The following SLIT3 variants were observed in gnomAD, a reference collection of about 807,000 sequenced individuals.
The protein encoded by SLIT3 is slit homolog 3 protein.
In SLIT3, 68 loss-of-function variants were observed where a neutral mutation model predicts 184.0. The ratio of observed to expected loss-of-function variants is 0.37; its 90% CI spans 0.30 to 0.45. SLIT3 has a LOEUF of 0.45. Ranked by LOEUF, SLIT3 falls within the 20% of genes least tolerant of loss-of-function variation. SLIT3 has a pLI of 1.00. For synonymous variants in SLIT3, 831 were observed against 828.6 expected (o/e 1.00, Z -0.05); for missense variants, 1,707 against 2,026.0 (o/e 0.84, Z 3.02).
At chr5:169,111,624 C>T (rs761934104) in intron 4 of SLIT3, among the ~76,000 whole-genome samples, 7 of 152,180 alleles carry the variant, frequency 4.6e-5, no homozygotes, top group Middle Eastern at 3.4e-3. Context: ...TGGTGGCAAA[C>T]GCCTGTAATC....
At chr5:168,773,005 C>T in intron 13 of SLIT3, 61 bp from the exon 14 acceptor site, 4 of 1,500,724 alleles carry the variant, frequency 2.7e-6, no homozygotes, top group Non-Finnish European at 3.6e-6. Flanking sequence ...CCACCACCAC[C>T]ACCCTGCCTC....
chr5:169,259,673 G>C (rs1766098438), intron 1 of SLIT3, among the ~76,000 whole-genome samples: 1 of 152,196 alleles, frequency 6.6e-6, no homozygotes, highest in African/African-American at 2.4e-5. Flanking sequence ...AGGCTATGCA[G>C]GCAAAATTAA....
intron 4 of SLIT3, among the ~76,000 whole-genome samples, chr5:169,132,034 C>T (rs113652920): frequency 2.1e-4 from 32 of 152,220 alleles, no homozygotes; most frequent in African/African-American, 7.5e-4. Flanking sequence ...AGAAGAGCCA[C>T]ATCAGCTCTA....
Position 168,817,315 on chromosome 5 carries a change from CCTT to C in SLIT3, c.775_777del (p.Lys259del), listed in dbSNP as rs2113656398. 1.9e-6 allele frequency: 3 copies of C among 1,614,188 alleles called. No homozygotes were observed. The highest frequency in any genetic ancestry group is 1.7e-6 in the Non-Finnish European group (2 of 1,180,030). ...GCATCCTCACCTGGGCACACGTACTCCTTCTTCTGCACATCCGCCACGTTGAAG... is the reference window on the plus strand; with the variant it reads ...GCATCCTCACCTGGGCACACGTACTCCTTCTGCACATCCGCCACGTTGAAG... On this transcript the variant is annotated inframe_deletion, in exon 8 of 36. Transcript: ENST00000519560.
chr5:169,207,646 T>C (rs1186568245), intron 3 of SLIT3, among the ~76,000 whole-genome samples: 1 of 152,200 alleles, frequency 6.6e-6, no homozygotes, highest in Non-Finnish European at 1.5e-5. Flanking sequence ...ACCTGAATTA[T>C]CATCACTGTT....
intron 5 of SLIT3, among the ~76,000 whole-genome samples, chr5:168,862,650 C>T (rs1161425411): frequency 6.8e-6 from 1 of 147,656 alleles, no homozygotes; most frequent in Non-Finnish European, 1.5e-5. Flanking sequence ...CTCAATAGAA[C>T]ATTGGTTTTT....
chr5:169,068,766 G>A (rs755483837), intron 4 of SLIT3, among the ~76,000 whole-genome samples: 1 of 151,808 alleles, frequency 6.6e-6, no homozygotes, highest in Non-Finnish European at 1.5e-5. Flanking sequence ...CACCCAGCTG[G>A]AGAAGCTCTG....
At chr5:168,928,845 A>T (rs949141801) in intron 4 of SLIT3, among the ~76,000 whole-genome samples, 2 of 152,188 alleles carry the variant, frequency 1.3e-5, no homozygotes, top group Non-Finnish European at 2.9e-5. Flanking sequence ...GCAGAATTTT[A>T]TGGATAGAGA....
chr5:169,079,921 G>A (rs1448618367), intron 4 of SLIT3, among the ~76,000 whole-genome samples: 2 of 149,086 alleles, frequency 1.3e-5, no homozygotes, highest in East Asian at 2.1e-4. Context: ...AGGAGGAAGA[G>A]GAATGGCAAA....
chr5:169,065,338 A>G (rs1363986321), intron 4 of SLIT3, among the ~76,000 whole-genome samples: 2 of 152,244 alleles, frequency 1.3e-5, no homozygotes, highest in Admixed American at 6.5e-5. Flanking sequence ...GAATGATAGA[A>G]GAAATATTCC....
At chr5:169,292,416 G>A (rs893800930) in intron 1 of SLIT3, among the ~76,000 whole-genome samples, 8 of 152,208 alleles carry the variant, frequency 5.3e-5, no homozygotes, top group African/African-American at 1.2e-4. Flanking sequence ...TTAGCAAGCT[G>A]AAGAATTAAG....
chr5:169,064,608 A>C (rs1758285177), intron 4 of SLIT3, among the ~76,000 whole-genome samples: 2 of 152,174 alleles, frequency 1.3e-5, no homozygotes, highest in Non-Finnish European at 1.5e-5. Context: ...CACACACTTC[A>C]CATGCAATAA....
At chr5:169,054,241 G>A (rs1026517660) in intron 4 of SLIT3, among the ~76,000 whole-genome samples, 4 of 148,774 alleles carry the variant, frequency 2.7e-5, no homozygotes, top group South Asian at 2.1e-4. Context: ...AAAAAAGGTG[G>A]CAATGTGAAG....
At chr5:168,849,939 A>G (rs1023224939) in intron 5 of SLIT3, among the ~76,000 whole-genome samples, 6 of 152,166 alleles carry the variant, frequency 3.9e-5, no homozygotes, top group Admixed American at 1.3e-4. Flanking sequence ...TTGTCCTTTA[A>G]GCAGAGAATA....
At chr5:169,045,428 GAA>G (rs5873145) in intron 4 of SLIT3, among the ~76,000 whole-genome samples, 54 of 123,672 alleles carry the variant, frequency 4.4e-4, no homozygotes, top group Admixed American at 5.9e-4. Context: ...GTCCATGCAG[GAA>G]AAAAAAAAAA....
At chr5:169,262,789 T>A (rs186777429) in intron 1 of SLIT3, among the ~76,000 whole-genome samples, 3 of 152,216 alleles carry the variant, frequency 2.0e-5, no homozygotes, top group African/African-American at 7.2e-5. Flanking sequence ...ATCCAGGAAC[T>A]GTGCTAGGCA....
rs117814974 is a variant in SLIT3 at position 168,704,128 on chromosome 5, C to A, written c.2845-3449G>T. 3.3e-5 allele frequency among the ~76,000 whole-genome samples: 5 copies of A among 151,810 alleles called. No homozygotes were observed. In the East Asian group the frequency reaches 9.7e-4, roughly 29 times the overall value. Reference sequence around the variant, plus strand: ...AAAAAATGCACACTCTCAGGCCTGACCTCGGATCTAATGAACTAGAACTTG... The same window carrying A: ...AAAAAATGCACACTCTCAGGCCTGAACTCGGATCTAATGAACTAGAACTTG... On this transcript the variant is annotated intron_variant, in intron 26 of 35. Transcript: ENST00000519560.
chr5:169,142,835 A>G (rs536605239), intron 4 of SLIT3, among the ~76,000 whole-genome samples: 1 of 152,368 alleles, frequency 6.6e-6, no homozygotes, highest in African/African-American at 2.4e-5. Flanking sequence ...TCCACGTGAT[A>G]GGCATGTACT....
intron 35 of SLIT3, among the ~76,000 whole-genome samples, chr5:168,668,825 C>T (rs1036425759): frequency 2.0e-5 from 3 of 152,180 alleles, no homozygotes; most frequent in Non-Finnish European, 4.4e-5. Context: ...CACTCTGTCA[C>T]CCAGGTTGAT....
Sources: allele counts gnomAD v4.1 joint callset (sites outside exome capture counted in the v4.1 genomes callset), GRCh38; gene constraint gnomAD v4.1.1; transcripts MANE v1.5; gene names NCBI Gene and HGNC (gene_info 2026-07-23, HGNC 2026-07-21).